Variants in KIAA1210 observed in about 807,000 individuals in gnomAD.
KIAA1210 encodes the protein acrosomal protein KIAA1210.
Under a neutral mutation model 78.9 loss-of-function variants are expected in KIAA1210, and 48 were observed. The ratio of observed to expected loss-of-function variants is 0.61; its 90% CI spans 0.48 to 0.77. The LOEUF (loss-of-function observed/expected upper bound fraction) is 0.77, where lower values mean the gene tolerates loss of function less well. KIAA1210 is among the 30% of genes least tolerant of loss of function. The probability of loss-of-function intolerance (pLI) is 0.00; values close to 1 mark genes in which losing one functional copy is unlikely to be tolerated. For synonymous variants in KIAA1210, 406 were observed against 404.5 expected (o/e 1.00, Z -0.04); for missense variants, 1,108 against 1,100.0 (o/e 1.01, Z -0.10).
chrX:119,116,344 C>T (rs1164771230), intron 3 of KIAA1210, among the ~76,000 whole-genome samples, 152 bp downstream of exon 3: 4 of 111,939 alleles, frequency 3.6e-5, no homozygotes, highest in Non-Finnish European at 7.5e-5. Flanking sequence ...CCCCCTCCCC[C>T]GGACATGACT....
Position 119,108,350 on chromosome X carries a change from GGGCCAGCAACCCAGAC to G in KIAA1210, c.463_478del (p.Val155ProfsTer25). The G allele has an allele frequency of 8.3e-7, 1 of 1,209,332 alleles. No homozygotes were observed. The highest frequency in any genetic ancestry group is 1.1e-6 in the Non-Finnish European group (1 of 894,470). On this transcript the variant is annotated frameshift_variant, in exon 5 of 12. Coordinates refer to ENST00000691062, the MANE Select transcript of KIAA1210 (RefSeq NM_001394962.1). LOFTEE classifies it high-confidence loss of function. Reference sequence around the variant, plus strand: ...CCACTTTGTTACCTCAGTGATCTTGGGGCCAGCAACCCAGACTGCACTTGTAGGCACATTTTGAAGC... The same window carrying G: ...CCACTTTGTTACCTCAGTGATCTTGGTGCACTTGTAGGCACATTTTGAAGC...
intron 8 of KIAA1210, among the ~76,000 whole-genome samples, chrX:119,090,194 G>A (rs975557899): frequency 1.2e-4 from 6 of 51,772 alleles, no homozygotes; most frequent in African/African-American, 3.7e-4. Flanking sequence ...TTTTTTTTTT[G>A]AGACAGAATC....
chrX:119,139,453 C>A (rs1220487894), intron 2 of KIAA1210, among the ~76,000 whole-genome samples: 3 of 111,323 alleles, frequency 2.7e-5, no homozygotes, highest in African/African-American at 9.8e-5. Context: ...GCACTAGAAG[C>A]CTAAACTTCA....
chrX:119,113,763 A>G (rs936927706), intron 3 of KIAA1210, among the ~76,000 whole-genome samples: 2 of 112,084 alleles, frequency 1.8e-5, no homozygotes, highest in Non-Finnish European at 3.8e-5. Context: ...ATAAAAGATG[A>G]GATTAGACAC....
upstream of KIAA1210, among the ~76,000 whole-genome samples, chrX:119,129,913 A>C (rs1354430283): frequency 2.7e-5 from 3 of 112,068 alleles, no homozygotes; most frequent in Non-Finnish European, 5.6e-5. Flanking sequence ...TAGAGGCATC[A>C]CTGTATATTT....
rs777324281 is a variant in KIAA1210 at position 119,086,865 on chromosome X, A to C, written c.3837T>G (p.Ser1279Arg). 1 of 1,208,999 alleles carries C rather than the reference A, an allele frequency of 8.3e-7. No homozygotes were observed. Among genetic ancestry groups the C allele is most frequent in the African/African-American group, 1.8e-5 (1 of 56,862 alleles). The part of the protein sequence containing the change: ...GIYSKKEDLE[S>R]GDGNNNQHAN... ...CATGCTGGTTATTATTACCATCACC[A>C]CTCTCAAGATCTTCTTTCTTAGAGT... is the stretch of plus-strand genomic sequence containing the variant. The change falls in exon 9 of 12, where the codon AGT becomes AGG. Residue 1279 changes from serine (S) to arginine (R), a missense_variant. This residue lies in a region of KIAA1210 where 245 missense variants were observed against 278.8 expected (regional missense o/e 0.88). Coordinates refer to ENST00000691062, the MANE Select transcript of KIAA1210 (RefSeq NM_001394962.1).
chrX:119,128,345 G>A (rs1020569176), upstream of KIAA1210, among the ~76,000 whole-genome samples: 2 of 110,929 alleles, frequency 1.8e-5, no homozygotes, highest in Admixed American at 1.9e-4. Context: ...CCATCAAGCT[G>A]AGAGTAAAAT....
At chrX:119,129,779 A>T (rs930619111), upstream of KIAA1210, among the ~76,000 whole-genome samples, 2 of 111,113 alleles carry the variant, frequency 1.8e-5, no homozygotes, top group African/African-American at 3.3e-5. Context: ...CTGGACCCTC[A>T]TGGAGAAAGA....
intron 3 of KIAA1210, among the ~76,000 whole-genome samples, chrX:119,113,686 T>C (rs764191708): frequency 8.9e-5 from 10 of 112,096 alleles, no homozygotes; most frequent in Non-Finnish European, 5.6e-5. Context: ...AGCTGTTATA[T>C]AGAAACATAA....
At chrX:119,139,438 T>C (rs1928997075) in intron 2 of KIAA1210, among the ~76,000 whole-genome samples, 1 of 111,515 alleles carries the variant, frequency 9.0e-6, no homozygotes, top group Admixed American at 9.5e-5. Flanking sequence ...ATTCGGGTGT[T>C]GGGTGCACTA....
In KIAA1210 at chrX:119,088,600, T is replaced by A. The variant is rs749533340; in HGVS notation, c.2102A>T (p.His701Leu). The A allele has an allele frequency of 1.7e-6, 2 of 1,211,430 alleles. No individual in the cohort carries two copies. The highest frequency in any genetic ancestry group is 5.9e-5 in the East Asian group (2 of 33,847). Residue 701 changes from histidine to leucine, a missense_variant, in exon 9 of 12, where the codon CAC becomes CTC. Physicochemically the swap from His to Leu is moderately conservative, Grantham distance 99. Transcript: ENST00000691062. ...SSSEEDLPLR[H>L]PAQALGKPKN... The stretch of plus-strand genomic sequence containing the variant: ...GGGCTTTCCCAAGGCCTGAGCAGGG[T>A]GTCTGAGAGGCAGGTCTTCCTCTGA...
intron 8 of KIAA1210, among the ~76,000 whole-genome samples, chrX:119,092,633 C>T (rs1379870946): frequency 2.7e-5 from 3 of 109,620 alleles, no homozygotes; most frequent in East Asian, 2.9e-4. Flanking sequence ...TGGCGGCGGG[C>T]GCCTGTAGTC....
chrX:119,106,241 C>A (rs1297033588), intron 5 of KIAA1210, among the ~76,000 whole-genome samples: 1 of 112,135 alleles, frequency 8.9e-6, no homozygotes. Context: ...CTAACTTTTA[C>A]TAAGAGCTTA....
chrX:119,085,559 T>C lies in KIAA1210; in HGVS notation c.4157-13A>G. ...CCAGCAGGCTTTCCTGAGAAAGAAA[T>C]GAAAGGAGTTAGAACTGAAGCAAGG... On this transcript the variant is annotated splice_polypyrimidine_tract_variant and intron_variant, in intron 9 of 11. Coordinates refer to ENST00000691062, the MANE Select transcript of KIAA1210 (RefSeq NM_001394962.1). 8.3e-7 allele frequency: 1 copy of C among 1,203,446 alleles called. No homozygotes were observed. Among genetic ancestry groups the C allele is most frequent in the South Asian group, 1.8e-5 (1 of 55,321 alleles).
intron 2 of KIAA1210, among the ~76,000 whole-genome samples, chrX:119,142,340 T>C (rs1569324997): frequency 1.8e-5 from 2 of 112,147 alleles, no homozygotes; most frequent in Non-Finnish European, 3.8e-5. Context: ...GAATTGAGGC[T>C]GGGTAATTTA....
At position 119,081,252 on chromosome X, in the gene KIAA1210, G is replaced by C; in HGVS notation, c.*77C>G. ...ACTGCACTCCAATCTGGGTAACAGA[G>C]CGAGACTCTGTCTCAAAAAAAAAAA... On this transcript the variant is annotated 3_prime_UTR_variant, in exon 12 of 12. Transcript: ENST00000691062. 1 of 865,171 alleles carries C rather than the reference G, an allele frequency of 1.2e-6. No homozygotes were observed. The highest frequency in any genetic ancestry group is 3.9e-5 in the Admixed American group (1 of 25,635). 71.3% of individuals were successfully genotyped at this position (865,171 alleles called of 1,213,427 possible). A position where few individuals can be genotyped will look rare whatever the true frequency, so the allele number is the denominator to read the frequency against.
chrX:119,096,574 G>A lies in KIAA1210; in HGVS notation c.766C>T (p.Gln256Ter). Residue 256 changes from glutamine to a stop codon, truncating the protein, a stop_gained, in exon 7 of 12, where the codon CAG (glutamine) becomes TAG (stop). Transcript: ENST00000691062. LOFTEE classifies it high-confidence loss of function. ...PIGFSTPATT[Q>*]GCLDSSAARH... ...GCAGCTGAAGAATCCAAACAGCCCTGGGTGGTGGCTGGGGTGCTGAAACCA... is the reference window on the plus strand; with the variant it reads ...GCAGCTGAAGAATCCAAACAGCCCTAGGTGGTGGCTGGGGTGCTGAAACCA... The A allele has an allele frequency of 1.7e-6, 2 of 1,211,533 alleles. No individual in the cohort carries two copies. The highest frequency in any genetic ancestry group is 2.2e-5 in the Admixed American group (1 of 46,057).
At chrX:119,145,894 A>G (rs1371242844) in intron 2 of KIAA1210, among the ~76,000 whole-genome samples, 1 of 112,344 alleles carries the variant, frequency 8.9e-6, no homozygotes, top group Non-Finnish European at 1.9e-5. Flanking sequence ...AGGGATTACT[A>G]TAATACATTG....
intron 1 of KIAA1210, among the ~76,000 whole-genome samples, chrX:119,126,300 G>T (rs1242477501): frequency 9.0e-6 from 1 of 111,341 alleles, no homozygotes; most frequent in East Asian, 2.8e-4. Flanking sequence ...AAGCCTTGGA[G>T]TGCAAAAGGT....
Sources: gnomAD v4.1 joint callset for allele counts (sites outside exome capture counted in the v4.1 genomes callset) on GRCh38, gnomAD v4.1.1 for gene constraint, gnomAD v4.1.1 regional missense constraint, MANE v1.5 for transcripts, NCBI Gene and HGNC (gene_info 2026-07-23, HGNC 2026-07-21) for gene names.